Variants in CMKLR1 observed in about 807,000 individuals in gnomAD.
CMKLR1 encodes chemerin chemokine-like receptor 1.
In CMKLR1, 6 loss-of-function variants were observed where a neutral mutation model predicts 8.2. That is an observed-to-expected ratio of 0.73 (90% CI 0.40 to 1.44). CMKLR1 has a LOEUF of 1.44. CMKLR1 is among the 40% of genes most tolerant of loss of function. The pLI is 0.02. For missense variants in CMKLR1, 429 were observed against 478.0 expected, an observed-to-expected ratio of 0.90 and a Z score of 0.96; for synonymous variants, 178 against 181.2, an observed-to-expected ratio of 0.98 and a Z score of 0.14.
chr12:108,302,744 C>T (rs1177309099), intron 2 of CMKLR1, among the ~76,000 whole-genome samples: 4 of 152,108 alleles, frequency 2.6e-5, no homozygotes, highest in Non-Finnish European at 5.9e-5. Context: ...GTCTGCAAAG[C>T]GGCAACACAC....
At chr12:108,318,344 C>T (rs1891782123) in intron 2 of CMKLR1, among the ~76,000 whole-genome samples, 2 of 152,322 alleles carry the variant, frequency 1.3e-5, no homozygotes, top group South Asian at 4.1e-4. Flanking sequence ...CAAGAATATC[C>T]TTCAGAGCCA....
intron 2 of CMKLR1, among the ~76,000 whole-genome samples, chr12:108,304,556 T>C (rs1157179683): frequency 6.6e-6 from 1 of 152,176 alleles, no homozygotes; most frequent in Non-Finnish European, 1.5e-5. Flanking sequence ...CTGTCTCATA[T>C]CTGACTTGTT....
chr12:108,335,925 A>G (rs1355206377), intron 1 of CMKLR1, among the ~76,000 whole-genome samples: 2 of 152,246 alleles, frequency 1.3e-5, no homozygotes, highest in Non-Finnish European at 2.9e-5. Context: ...GGGGATTGCT[A>G]ACACGATCTG....
At chr12:108,305,087 C>G (rs967503672) in intron 2 of CMKLR1, among the ~76,000 whole-genome samples, 1 of 152,184 alleles carries the variant, frequency 6.6e-6, no homozygotes, top group Admixed American at 6.5e-5. Context: ...GGAGGCCCCT[C>G]GGAGGACCAT....
chr12:108,292,559 G>T lies in CMKLR1; in HGVS notation c.404C>A (p.Ser135Tyr). ...GAGGAGCACAGAGATGCAGCGGTCA[G>T]AGCTGATGATGGTCAGCAGGAAGAC... ...TSVFLLTIIS[S>Y]DRCISVLLPV... is the part of the protein sequence containing the mutation. The change falls in exon 4 of 4, where the codon TCT becomes TAT. Residue 135 changes from serine (S) to tyrosine (Y), a missense_variant. Physicochemically the swap from Ser to Tyr is moderately radical, Grantham distance 144 (BLOSUM62 -2). Coordinates refer to ENST00000550402, the MANE Select transcript of CMKLR1 (RefSeq NM_001142343.2). The T allele has an allele frequency of 6.2e-7, 1 of 1,614,214 alleles. No homozygotes were observed. The highest frequency in any genetic ancestry group is 8.5e-7 in the Non-Finnish European group (1 of 1,180,028).
In CMKLR1 at chr12:108,290,079, C is replaced by T. The variant is rs1168992955; in HGVS notation, c.*1762G>A. The T allele has an allele frequency of 2.0e-5, 3 of 152,230 alleles. No individual in the cohort carries two copies. Among genetic ancestry groups the T allele is most frequent in the Non-Finnish European group, 4.4e-5 (3 of 68,044 alleles). 9.4% of individuals were successfully genotyped at this position (152,230 alleles called of 1,614,324 possible). A position where few individuals can be genotyped will look rare whatever the true frequency, so the allele number is the denominator to read the frequency against. Reference sequence around the variant, plus strand: ...AGGAGGTGGGAGCCACGGTAGGAGGCTGTTAATGGCTGTTGAGGGAGCTGG... The same window carrying T: ...AGGAGGTGGGAGCCACGGTAGGAGGTTGTTAATGGCTGTTGAGGGAGCTGG... On this transcript the variant is annotated 3_prime_UTR_variant, in exon 4 of 4. Transcript: ENST00000550402.
rs1332409365 is a variant in CMKLR1 at position 108,288,735 on chromosome 12, A to C, written c.*3106T>G. ...TCAGCTGGAGATGGTTCTGAAATCA[A>C]ATTCCTCCCACTCTTTGGACTTCCA... On this transcript the variant is annotated 3_prime_UTR_variant, in exon 4 of 4. Transcript: ENST00000550402. The C allele has an allele frequency of 1.3e-5, 2 of 152,018 alleles. No homozygotes were observed. The highest frequency in any genetic ancestry group is 4.8e-5 in the African/African-American group (2 of 41,338). The allele number at this position is 152,018 out of a possible 1,614,324, so 9.4% of individuals were successfully genotyped here. A position where few individuals can be genotyped will look rare whatever the true frequency, so the allele number is the denominator to read the frequency against.
Position 108,290,548 on chromosome 12 carries a change from G to T in CMKLR1, c.*1293C>A, listed in dbSNP as rs907720367. 6.6e-6 allele frequency: 1 copy of T among 152,258 alleles called. No individual in the cohort carries two copies. The highest frequency in any genetic ancestry group is 1.5e-5 in the Non-Finnish European group (1 of 68,058). The allele number at this position is 152,258 out of a possible 1,614,324, so 9.4% of individuals were successfully genotyped here. A position where few individuals can be genotyped will look rare whatever the true frequency, so the allele number is the denominator to read the frequency against. The stretch of plus-strand genomic sequence containing the variant: ...AGTTTCTGGAGCCAGACGGAGCCAG[G>T]TTCAGATCTTAACTCTGCCACTGAT... On this transcript the variant is annotated 3_prime_UTR_variant, in exon 4 of 4. Coordinates refer to ENST00000550402, the MANE Select transcript of CMKLR1 (RefSeq NM_001142343.2).
At chr12:108,304,702 C>T (rs1891361903) in intron 2 of CMKLR1, among the ~76,000 whole-genome samples, 1 of 152,180 alleles carries the variant, frequency 6.6e-6, no homozygotes, top group Non-Finnish European at 1.5e-5. Flanking sequence ...ATGTTTTCTC[C>T]ACCTCCTGCA....
intron 2 of CMKLR1, among the ~76,000 whole-genome samples, chr12:108,301,705 C>G (rs965687106): frequency 2.0e-5 from 3 of 152,242 alleles, no homozygotes; most frequent in African/African-American, 7.2e-5. Context: ...TATCCTTCCC[C>G]CATTTTACAG....
At chr12:108,301,395 A>G (rs1177371885) in intron 2 of CMKLR1, among the ~76,000 whole-genome samples, 1 of 151,982 alleles carries the variant, frequency 6.6e-6, no homozygotes, top group Non-Finnish European at 1.5e-5. Flanking sequence ...CAAGTTTTCT[A>G]TCAGTACCTG....
intron 2 of CMKLR1, among the ~76,000 whole-genome samples, chr12:108,322,138 T>A (rs899109843): frequency 3.9e-5 from 6 of 152,310 alleles, no homozygotes; most frequent in African/African-American, 1.4e-4. Context: ...TGGCTCTTTC[T>A]AAATGTGGAG....
In CMKLR1 at chr12:108,292,370, G is replaced by A. The variant is rs1891005992; in HGVS notation, c.593C>T (p.Pro198Leu). 6.2e-7 allele frequency: 1 copy of A among 1,614,162 alleles called. No individual in the cohort carries two copies. The highest frequency in any genetic ancestry group is 1.3e-5 in the African/African-American group (1 of 75,040). The change falls in exon 4 of 4, where the codon CCT (proline) becomes CTT (leucine). Residue 198 changes from proline to leucine, a missense_variant. Transcript: ENST00000550402. ...SCFNNFSLSTPGSSSWPTHSQ... is the reference protein window; with the variant it reads ...SCFNNFSLSTLGSSSWPTHSQ... The stretch of plus-strand genomic sequence containing the variant: ...GTGAGTGGGCCACGAGGAAGACCCA[G>A]GTGTGGACAGGCTGAAGTTGTTGAA...
chr12:108,314,315 C>A (rs1242914959), intron 2 of CMKLR1, among the ~76,000 whole-genome samples: 3 of 152,096 alleles, frequency 2.0e-5, no homozygotes, highest in Admixed American at 6.5e-5. Context: ...GAAAGGGGGA[C>A]CCAGTTACAT....
At chr12:108,318,048 A>G (rs1261952764) in intron 2 of CMKLR1, 1 of 152,266 alleles carries the variant, frequency 6.6e-6, no homozygotes, top group Non-Finnish European at 1.5e-5. Flanking sequence ...TCATATGTAC[A>G]AAGCATCTTA....
chr12:108,337,531 T>C (rs184408671), intron 1 of CMKLR1, among the ~76,000 whole-genome samples: 1 of 152,246 alleles, frequency 6.6e-6, no homozygotes, highest in Admixed American at 6.5e-5. Context: ...ACAAGATGAC[T>C]GGTCATTAGA....
chr12:108,332,034 A>T (rs1034749526), intron 1 of CMKLR1, among the ~76,000 whole-genome samples: 2 of 152,252 alleles, frequency 1.3e-5, no homozygotes, highest in Non-Finnish European at 2.9e-5. Flanking sequence ...TCAGGAATTC[A>T]TAGATTCTGA....
intron 2 of CMKLR1, among the ~76,000 whole-genome samples, chr12:108,320,359 G>A (rs1328841603): frequency 2.6e-5 from 4 of 152,064 alleles, no homozygotes; most frequent in African/African-American, 7.2e-5. Flanking sequence ...CCCTCCCCAA[G>A]CCCTGGGAGG....
chr12:108,335,164 G>C (rs1892191270), intron 1 of CMKLR1, among the ~76,000 whole-genome samples: 1 of 152,180 alleles, frequency 6.6e-6, no homozygotes, highest in African/African-American at 2.4e-5. Flanking sequence ...GAGACAGGTA[G>C]CTGTCCACAA....
Sources: gnomAD v4.1 joint callset for allele counts (sites outside exome capture counted in the v4.1 genomes callset) on GRCh38, gnomAD v4.1.1 for gene constraint, MANE v1.5 for transcripts, NCBI Gene and HGNC (gene_info 2026-07-23, HGNC 2026-07-21) for gene names.